The following LSAMP variants were observed in gnomAD, a reference collection of about 807,000 sequenced individuals.
The protein encoded by LSAMP is limbic system-associated membrane protein.
A neutral mutation model predicts 38.6 loss-of-function variants in LSAMP; 7 were observed. That is an observed-to-expected ratio of 0.18 (90% CI 0.10 to 0.34). LSAMP has a LOEUF of 0.34. LSAMP is among the 10% of genes least tolerant of loss of function. The probability of loss-of-function intolerance (pLI) is 1.00; values close to 1 mark genes in which losing one functional copy is unlikely to be tolerated. For missense variants in LSAMP, 313 were observed against 420.0 expected, an observed-to-expected ratio of 0.75 and a Z score of 2.23; for synonymous variants, 154 against 166.8, an observed-to-expected ratio of 0.92 and a Z score of 0.59.
At chr3:116,088,758 C>A (rs1347756522) in intron 1 of LSAMP, among the ~76,000 whole-genome samples, 3 of 152,176 alleles carry the variant, frequency 2.0e-5, no homozygotes, top group Non-Finnish European at 2.9e-5. Flanking sequence ...TGGCTCCAAT[C>A]TCTTCACTTT....
chr3:115,934,775 G>T (rs765582408), intron 3 of LSAMP, among the ~76,000 whole-genome samples: 15 of 152,146 alleles, frequency 9.9e-5, no homozygotes, highest in Non-Finnish European at 1.9e-4. Context: ...AAAATTAATT[G>T]ACTTTTCTGG....
At chr3:115,948,138 C>A (rs1362221339) in intron 3 of LSAMP, among the ~76,000 whole-genome samples, 17 of 152,148 alleles carry the variant, frequency 1.1e-4, no homozygotes. Flanking sequence ...TATACATGCC[C>A]TAGTCGAAAT....
intron 1 of LSAMP, among the ~76,000 whole-genome samples, chr3:116,444,410 C>CAG (rs1029126016): frequency 4.0e-5 from 6 of 149,418 alleles, no homozygotes; most frequent in South Asian, 2.1e-4. Context: ...CACACACACA[C>CAG]AGACACGGGA....
chr3:116,200,510 C>G (rs766281929), intron 1 of LSAMP, among the ~76,000 whole-genome samples: 2 of 152,168 alleles, frequency 1.3e-5, no homozygotes, highest in South Asian at 2.1e-4. Flanking sequence ...CAAAGTCTAG[C>G]TTGCCAGACT....
rs143216020 is a variant in LSAMP at position 116,406,554 on chromosome 3, C to A, written c.155+38323G>T. On this transcript the variant is annotated intron_variant, in intron 1 of 6. Coordinates refer to ENST00000490035, the MANE Select transcript of LSAMP (RefSeq NM_002338.5). ...TTTTATTTTTAATTGATATTTAAAT[C>A]AAATACTTCCACTTAAACCTCACAA... Among the ~76,000 whole-genome samples, 12 of 152,042 alleles carry A rather than the reference C, an allele frequency of 7.9e-5. No homozygotes were observed. The East Asian group carries it at 2.1e-3, about 27-fold the overall frequency.
At chr3:116,281,829 G>A (rs546188950) in intron 1 of LSAMP, among the ~76,000 whole-genome samples, 4 of 152,154 alleles carry the variant, frequency 2.6e-5, no homozygotes, top group East Asian at 1.9e-4. Context: ...ATTTCCCCAC[G>A]TTGTCTATGA....
rs143246491 is a variant in LSAMP at position 116,283,280 on chromosome 3, G to A, written c.155+161597C>T. 3.8e-3 allele frequency among the ~76,000 whole-genome samples: 578 copies of A among 152,224 alleles called. 6 individuals are homozygous for A. The highest frequency in any genetic ancestry group is 0.013 in the African/African-American group (552 of 41,526). On this transcript the variant is annotated intron_variant, in intron 1 of 6. Transcript: ENST00000490035. ...CCAGAATTTTGAAGTACCTAGTTAC[G>A]TGTTCATCGGTGCTATTTGAAGAAA... is the stretch of plus-strand genomic sequence containing the variant.
chr3:116,411,199 A>T (rs1373496892), intron 1 of LSAMP, among the ~76,000 whole-genome samples: 2 of 152,142 alleles, frequency 1.3e-5, no homozygotes, highest in East Asian at 3.9e-4. Flanking sequence ...TAGTTCAACC[A>T]TTGTGGAAGT....
At chr3:116,344,003 T>C (rs1157806007) in intron 1 of LSAMP, among the ~76,000 whole-genome samples, 1 of 152,098 alleles carries the variant, frequency 6.6e-6, no homozygotes, top group Non-Finnish European at 1.5e-5. Flanking sequence ...ATTTAGGTAA[T>C]ATTCATGGAA....
chr3:115,966,503 G>C (rs183957348), intron 3 of LSAMP, among the ~76,000 whole-genome samples: 3 of 152,112 alleles, frequency 2.0e-5, no homozygotes, highest in Admixed American at 6.6e-5. Flanking sequence ...TGCAAATTCT[G>C]TAGTCCCACA....
rs553609022 is a variant in LSAMP at position 116,377,041 on chromosome 3, A to G, written c.155+67836T>C. ...AGTCTACCAGTTCAAATACCATTTT[A>G]TTTACCACATACACCTCACTATTTT... On this transcript the variant is annotated intron_variant, in intron 1 of 6. Transcript: ENST00000490035. 2.6e-5 allele frequency among the ~76,000 whole-genome samples: 4 copies of G among 152,002 alleles called. No individual in the cohort carries two copies. In the East Asian group the frequency reaches 5.8e-4, roughly 22 times the overall value.
chr3:116,164,752 AT>A (rs1388871219), intron 1 of LSAMP, among the ~76,000 whole-genome samples: 1 of 54,354 alleles, frequency 1.8e-5, no homozygotes, highest in African/African-American at 5.5e-5. Flanking sequence ...CCATATATAT[AT>A]ATATATATTT....
chr3:116,270,392 T>G lies in LSAMP; in HGVS notation c.155+174485A>C, dbSNP rs150126719. Among the ~76,000 whole-genome samples the G allele has an allele frequency of 1.2e-3, 175 of 151,974 alleles. 1 individual carries two copies. The highest frequency in any genetic ancestry group is 4.0e-3 in the African/African-American group (165 of 41,524). ...AAGCAGGGTTGTCTGGAATTCAGGT[T>G]GCAGTGTCAAATGGACCCTGAAGCT... is the stretch of plus-strand genomic sequence containing the variant. On this transcript the variant is annotated intron_variant, in intron 1 of 6. Coordinates refer to ENST00000490035, the MANE Select transcript of LSAMP (RefSeq NM_002338.5).
At chr3:116,298,333 T>A (rs1164667772) in intron 1 of LSAMP, among the ~76,000 whole-genome samples, 4 of 152,146 alleles carry the variant, frequency 2.6e-5, no homozygotes, top group Non-Finnish European at 5.9e-5. Context: ...ATGCCCAGTT[T>A]TAGCAAGTAA....
intron 1 of LSAMP, among the ~76,000 whole-genome samples, chr3:116,198,635 G>A (rs541701031): frequency 3.9e-5 from 6 of 152,052 alleles, no homozygotes; most frequent in Non-Finnish European, 7.4e-5. Flanking sequence ...GCCGGGCTTC[G>A]TAGCGGGCAG....
At chr3:116,328,046 T>A (rs907418342) in intron 1 of LSAMP, among the ~76,000 whole-genome samples, 4 of 152,154 alleles carry the variant, frequency 2.6e-5, no homozygotes, top group Non-Finnish European at 5.9e-5. Flanking sequence ...GCATTGTCTA[T>A]AGTCTTTTTG....
At chr3:115,976,729 G>C (rs1244596966) in intron 3 of LSAMP, among the ~76,000 whole-genome samples, 1 of 152,102 alleles carries the variant, frequency 6.6e-6, no homozygotes, top group African/African-American at 2.4e-5. Context: ...TCTCATGATA[G>C]TGAGTGAGTT....
chr3:115,945,459 A>G (rs764165001), intron 3 of LSAMP, among the ~76,000 whole-genome samples: 8 of 152,104 alleles, frequency 5.3e-5, no homozygotes, highest in Non-Finnish European at 1.2e-4. Context: ...AAGGCTGCAG[A>G]TATTGTAAAG....
chr3:116,418,661 C>A (rs1402561713), intron 1 of LSAMP, among the ~76,000 whole-genome samples: 1 of 152,148 alleles, frequency 6.6e-6, no homozygotes, highest in Admixed American at 6.6e-5. Flanking sequence ...TAACAAATTA[C>A]TTTCCTTTGC....
Sources: allele counts gnomAD v4.1 joint callset (sites outside exome capture counted in the v4.1 genomes callset), GRCh38; gene constraint gnomAD v4.1.1; transcripts MANE v1.5; gene names NCBI Gene and HGNC (gene_info 2026-07-23, HGNC 2026-07-21).